KDM4C: variants seen among roughly 807,000 people sequenced by gnomAD.
The protein encoded by KDM4C is lysine demethylase 4C.
Under a neutral mutation model 129.3 loss-of-function variants are expected in KDM4C, and 81 were observed. That is an observed-to-expected ratio of 0.63 (90% CI 0.52 to 0.75). The LOEUF (loss-of-function observed/expected upper bound fraction) is 0.75. Ranked by LOEUF, KDM4C falls within the 30% of genes least tolerant of loss-of-function variation. The probability of loss-of-function intolerance (pLI) is 0.00; values close to 1 mark genes in which losing one functional copy is unlikely to be tolerated. For synonymous variants in KDM4C, 573 were observed against 456.1 expected (o/e 1.26, Z -3.26); for missense variants, 1,457 against 1,304.0 (o/e 1.12, Z -1.81).
At chr9:6,729,760 A>T (rs1014725000) in intron 1 of KDM4C, among the ~76,000 whole-genome samples, 1 of 133,934 alleles carries the variant, frequency 7.5e-6, no homozygotes, top group Non-Finnish European at 1.5e-5. Context: ...AGATGTGCAT[A>T]TTTCTGAGTG....
intron 17 of KDM4C, among the ~76,000 whole-genome samples, chr9:7,055,647 C>G (rs1385096396): frequency 6.6e-6 from 1 of 152,126 alleles, no homozygotes; most frequent in African/African-American, 2.4e-5. Context: ...CTGTGGTATT[C>G]CATCTCAAGA....
rs148082965 is a variant in KDM4C at position 6,943,564 on chromosome 9, A to G, written c.922-37361A>G. ...GTGGCGTGTGCCTCTGGTCCTGGCTACTTGGGAGGCTGAGGTGGGAAGATT... is the reference window on the plus strand; with the variant it reads ...GTGGCGTGTGCCTCTGGTCCTGGCTGCTTGGGAGGCTGAGGTGGGAAGATT... On this transcript the variant is annotated intron_variant, in intron 8 of 21. Coordinates refer to ENST00000381309, the MANE Select transcript of KDM4C (RefSeq NM_015061.6). Among the ~76,000 whole-genome samples the G allele has an allele frequency of 8.3e-3, 1,259 of 152,050 alleles. 11 individuals are homozygous for G. Among genetic ancestry groups the G allele is most frequent in the African/African-American group, 0.027 (1,113 of 41,460 alleles).
At chr9:6,917,281 C>T (rs1442142478) in intron 8 of KDM4C, among the ~76,000 whole-genome samples, 1 of 152,164 alleles carries the variant, frequency 6.6e-6, no homozygotes. Flanking sequence ...ATCTACACCA[C>T]CTGTCTCTCA....
At position 7,102,354 on chromosome 9, in the gene KDM4C, A is replaced by G. The variant is rs552599051; in HGVS notation, c.2425-1331A>G. Among the ~76,000 whole-genome samples the G allele has an allele frequency of 9.3e-5, 13 of 139,594 alleles. 1 individual carries two copies. In the South Asian group the frequency reaches 3.0e-3, roughly 33 times the overall value. 91.6% of individuals were successfully genotyped at this position (139,594 alleles called of 152,430 possible). On this transcript the variant is annotated intron_variant, in intron 17 of 21. Transcript: ENST00000381309. ...TTTTTGGAGTGACTTGGAGATAAAG[A>G]GAAACCTTTAATTATATGAAGGATA... is the stretch of plus-strand genomic sequence containing the variant.
chr9:7,050,559 T>A (rs1019304041), intron 17 of KDM4C, among the ~76,000 whole-genome samples: 3 of 152,062 alleles, frequency 2.0e-5, no homozygotes, highest in Non-Finnish European at 4.4e-5. Context: ...ATGTTTGGTG[T>A]GACAAATATT....
At chr9:6,764,738 A>G (rs145158515) in intron 1 of KDM4C, among the ~76,000 whole-genome samples, 130 of 152,276 alleles carry the variant, frequency 8.5e-4, no homozygotes, top group African/African-American at 2.8e-3. Context: ...CTATGGGTGG[A>G]TATTTAAGGA....
At chr9:7,131,712 A>G (rs902476130) in intron 19 of KDM4C, among the ~76,000 whole-genome samples, 8 of 152,164 alleles carry the variant, frequency 5.3e-5, no homozygotes, top group Non-Finnish European at 8.8e-5. Context: ...TGTCTGGGAG[A>G]TGGGTACCCT....
intron 17 of KDM4C, among the ~76,000 whole-genome samples, chr9:7,061,859 C>T (rs554957468): frequency 2.0e-5 from 3 of 152,320 alleles, no homozygotes; most frequent in African/African-American, 7.2e-5. Context: ...ACCTCTTGTT[C>T]AGCGGCTTTC....
At position 7,103,484 on chromosome 9, in the gene KDM4C, C is replaced by A. The variant is rs1252148603; in HGVS notation, c.2425-201C>A. On this transcript the variant is annotated intron_variant, in intron 17 of 21. Transcript: ENST00000381309. ...TATGTCTGGCAGTCTGTGACCGTAG[C>A]AGTGTGTTTCCTTTAAAGAAAGTAG... Among the ~76,000 whole-genome samples, 7 of 152,068 alleles carry A rather than the reference C, an allele frequency of 4.6e-5. No individual in the cohort carries two copies. The East Asian group carries it at 1.3e-3, about 29-fold the overall frequency.
chr9:6,966,641 C>T (rs1831027893), intron 8 of KDM4C, among the ~76,000 whole-genome samples: 1 of 152,096 alleles, frequency 6.6e-6, no homozygotes. Flanking sequence ...CTAGATCTTC[C>T]TTAATAGAAG....
In KDM4C at chr9:7,049,139, C is replaced by T. The variant is rs925972193; in HGVS notation, c.2363C>T (p.Thr788Ile). The T allele has an allele frequency of 6.2e-7, 1 of 1,612,566 alleles. No individual in the cohort carries two copies. Among genetic ancestry groups the T allele is most frequent in the Non-Finnish European group, 8.5e-7 (1 of 1,178,998 alleles). ...CAVAVPEVRF[T>I]NVPERTQIDV... ...GTTGCGGTCCCAGAAGTTCGATTCA[C>T]TAATGTCCCAGAAAGGACACAAATA... The change falls in exon 17 of 22, where the codon ACT (threonine) becomes ATT (isoleucine). Residue 788 changes from threonine to isoleucine, a missense_variant. Transcript: ENST00000381309.
chr9:6,933,085 G>A (rs528620243), intron 8 of KDM4C, among the ~76,000 whole-genome samples: 154 of 152,144 alleles, frequency 1.0e-3, no homozygotes, highest in African/African-American at 3.6e-3. Context: ...TTTTAATTCC[G>A]TAAGAAGTAT....
chr9:6,768,990 C>G (rs973611965), intron 1 of KDM4C, among the ~76,000 whole-genome samples: 2 of 152,164 alleles, frequency 1.3e-5, no homozygotes, highest in East Asian at 3.9e-4. Flanking sequence ...CCAGGCTGGT[C>G]TCGAACTCCT....
At chr9:7,034,303 T>A (rs1003101238) in intron 15 of KDM4C, among the ~76,000 whole-genome samples, 1 of 152,218 alleles carries the variant, frequency 6.6e-6, no homozygotes, top group African/African-American at 2.4e-5. Context: ...AATATAGAAC[T>A]TAGTCCTATC....
chr9:6,760,445 G>GTGTATATA (rs139577101), intron 1 of KDM4C, among the ~76,000 whole-genome samples: 3 of 142,524 alleles, frequency 2.1e-5, no homozygotes, highest in African/African-American at 7.8e-5. Context: ...CTACTCTTGG[G>GTGTATATA]TATATATATA....
At chr9:6,919,273 G>GTTCTTTCTTTCTTTCTGTC (rs1820978817) in intron 8 of KDM4C, among the ~76,000 whole-genome samples, 2 of 37,094 alleles carry the variant, frequency 5.4e-5, no homozygotes, top group Non-Finnish European at 1.5e-4. Flanking sequence ...CTTTCTTTCT[G>GTTCTTTCTTTCTTTCTGTC]TCTCTCTCTC....
At chr9:7,130,348 G>C (rs941198590) in intron 19 of KDM4C, among the ~76,000 whole-genome samples, 1 of 152,154 alleles carries the variant, frequency 6.6e-6, no homozygotes, top group African/African-American at 2.4e-5. Context: ...CCAGTTTGAG[G>C]CTTTCCTGGA....
At chr9:6,870,476 C>T (rs931009901) in intron 5 of KDM4C, among the ~76,000 whole-genome samples, 10 of 151,978 alleles carry the variant, frequency 6.6e-5, no homozygotes, top group African/African-American at 2.4e-5. Context: ...TTGGCTTCCT[C>T]ATTAGTTAAA....
intron 5 of KDM4C, among the ~76,000 whole-genome samples, chr9:6,867,012 TA>T (rs1563725775): frequency 5.0e-5 from 5 of 100,044 alleles, no homozygotes; most frequent in African/African-American, 2.2e-4. Context: ...TATATATATA[TA>T]TATATTTTTT....
Sources: gnomAD v4.1 joint callset for allele counts (sites outside exome capture counted in the v4.1 genomes callset) on GRCh38, gnomAD v4.1.1 for gene constraint, MANE v1.5 for transcripts, NCBI Gene and HGNC (gene_info 2026-07-23, HGNC 2026-07-21) for gene names.